The following CDH7 variants were observed in gnomAD, a reference collection of about 807,000 sequenced individuals.
CDH7 encodes the protein cadherin 7, also known as cadherin-7.
In CDH7, 25 loss-of-function variants were observed where a neutral mutation model predicts 71.8. The observed-to-expected ratio is 0.35, with a 90% CI of 0.25 to 0.49. The LOEUF is 0.49. Ranked by LOEUF, CDH7 falls within the 20% of genes least tolerant of loss-of-function variation. The pLI is 0.99. For missense variants in CDH7, 862 were observed against 974.6 expected (o/e 0.88, Z 1.54); for synonymous variants, 381 against 363.8 (o/e 1.05, Z -0.54).
chr18:65,774,222 C>T (rs1916631679), intron 2 of CDH7, among the ~76,000 whole-genome samples: 1 of 151,848 alleles, frequency 6.6e-6, no homozygotes, highest in Admixed American at 6.6e-5. Flanking sequence ...TTATGATCAT[C>T]TCTTGAGGAA....
chr18:65,878,749 A>G (rs1305616613), intron 11 of CDH7, among the ~76,000 whole-genome samples: 1 of 152,138 alleles, frequency 6.6e-6, no homozygotes, highest in Non-Finnish European at 1.5e-5. Flanking sequence ...CTGGTTGAAA[A>G]CATTCAAATG....
At chr18:65,784,225 G>A (rs973807541) in intron 2 of CDH7, among the ~76,000 whole-genome samples, 1 of 149,100 alleles carries the variant, frequency 6.7e-6, no homozygotes, top group Non-Finnish European at 1.5e-5. Flanking sequence ...GAGATTACAG[G>A]CATGAGCCAC....
chr18:65,835,620 G>A (rs756129231), intron 6 of CDH7, among the ~76,000 whole-genome samples: 1 of 152,130 alleles, frequency 6.6e-6, no homozygotes. Context: ...GAAGTTATTG[G>A]GTACAGCTAT....
At chr18:65,771,589 T>C (rs1916544199) in intron 2 of CDH7, among the ~76,000 whole-genome samples, 1 of 151,668 alleles carries the variant, frequency 6.6e-6, no homozygotes, top group Admixed American at 6.6e-5. Flanking sequence ...GGAAGAAGAA[T>C]CACTTGAGCC....
chr18:65,830,809 T>C (rs1253632523), intron 6 of CDH7, among the ~76,000 whole-genome samples: 2 of 151,364 alleles, frequency 1.3e-5, no homozygotes, highest in African/African-American at 4.9e-5. Flanking sequence ...TTAAGTTTTT[T>C]TCCTTGCCTC....
At chr18:65,823,748 C>A (rs1912022777) in intron 5 of CDH7, among the ~76,000 whole-genome samples, 1 of 151,890 alleles carries the variant, frequency 6.6e-6, no homozygotes, top group South Asian at 2.1e-4. Context: ...TTTCTATATT[C>A]TTCTCAGAGA....
At chr18:65,811,593 G>A (rs1019735290) in intron 3 of CDH7, among the ~76,000 whole-genome samples, 7 of 152,110 alleles carry the variant, frequency 4.6e-5, no homozygotes, top group African/African-American at 1.7e-4. Flanking sequence ...AGCAGCAACA[G>A]TAACTGTTAC....
At chr18:65,796,998 T>G (rs1290772575) in intron 2 of CDH7, among the ~76,000 whole-genome samples, 1 of 152,168 alleles carries the variant, frequency 6.6e-6, no homozygotes, top group Non-Finnish European at 1.5e-5. Context: ...AAACAGAATT[T>G]TGCAGAAAGT....
At chr18:65,821,913 T>TA (rs1474032577) in intron 4 of CDH7, among the ~76,000 whole-genome samples, 168 bp from the exon 5 acceptor site, 1 of 152,178 alleles carries the variant, frequency 6.6e-6, no homozygotes, top group East Asian at 1.9e-4. Context: ...TAACATTGTG[T>TA]AAAACTATCC....
chr18:65,826,666 A>G (rs1290536382), intron 6 of CDH7, among the ~76,000 whole-genome samples: 1 of 151,566 alleles, frequency 6.6e-6, no homozygotes, highest in African/African-American at 2.4e-5. Flanking sequence ...TGCTTTTTCA[A>G]TAATATGTAA....
chr18:65,755,473 C>G (rs1214428274), intron 1 of CDH7, among the ~76,000 whole-genome samples: 1 of 152,196 alleles, frequency 6.6e-6, no homozygotes, highest in Non-Finnish European at 1.5e-5. Context: ...TTACATTTTT[C>G]AGTATTGAAA....
chr18:65,851,626 G>T (rs1005242555), intron 7 of CDH7, among the ~76,000 whole-genome samples: 14 of 152,192 alleles, frequency 9.2e-5, no homozygotes, highest in Non-Finnish European at 2.1e-4. Flanking sequence ...ACACACAGAT[G>T]TATGAGATAT....
At chr18:65,798,983 C>T (rs1911016501) in intron 2 of CDH7, among the ~76,000 whole-genome samples, 1 of 152,088 alleles carries the variant, frequency 6.6e-6, no homozygotes. Flanking sequence ...TTCCTGCATA[C>T]ATATGTTAGG....
chr18:65,862,668 AAC>A lies in CDH7; in HGVS notation c.1619_1620del (p.Thr540SerfsTer33). The A allele has an allele frequency of 6.2e-7, 1 of 1,614,022 alleles. No individual in the cohort carries two copies. The highest frequency in any genetic ancestry group is 1.1e-5 in the South Asian group (1 of 91,074). On this transcript the variant is annotated frameshift_variant, in exon 11 of 12. Coordinates refer to ENST00000397968, the MANE Select transcript of CDH7 (RefSeq NM_004361.5). LOFTEE classifies it high-confidence loss of function. ...HNFSLKDNKD[N>X]TASILTRRNG... Reference sequence around the variant, plus strand: ...TACATTTGCTTTCGTTATCCTAGACAACACAGCCTCAATACTGACCAGGAGAA... The same window carrying A: ...TACATTTGCTTTCGTTATCCTAGACAACAGCCTCAATACTGACCAGGAGAA...
intron 7 of CDH7, among the ~76,000 whole-genome samples, chr18:65,856,985 A>G (rs1200961488): frequency 1.3e-5 from 2 of 150,066 alleles, no homozygotes; most frequent in East Asian, 4.0e-4. Flanking sequence ...ACATGTCTTT[A>G]GAATCCTGGT....
intron 2 of CDH7, among the ~76,000 whole-genome samples, chr18:65,771,266 C>G (rs971973280): frequency 6.6e-6 from 1 of 152,030 alleles, no homozygotes; most frequent in East Asian, 1.9e-4. Flanking sequence ...AAGAAATGAA[C>G]GAATAACAAG....
At chr18:65,809,309 A>G (rs922350894) in intron 2 of CDH7, among the ~76,000 whole-genome samples, 1 of 152,214 alleles carries the variant, frequency 6.6e-6, no homozygotes, top group African/African-American at 2.4e-5. Flanking sequence ...CCAGATTTAC[A>G]AATGTTCTAT....
At chr18:65,800,134 A>C (rs1369267827) in intron 2 of CDH7, among the ~76,000 whole-genome samples, 1 of 151,886 alleles carries the variant, frequency 6.6e-6, no homozygotes, top group Non-Finnish European at 1.5e-5. Context: ...GGCTGGAGTG[A>C]AGTGGTGTGA....
At chr18:65,822,815 A>C (rs1911983663) in intron 5 of CDH7, among the ~76,000 whole-genome samples, 1 of 152,018 alleles carries the variant, frequency 6.6e-6, no homozygotes, top group East Asian at 1.9e-4. Flanking sequence ...CTAGAAAACC[A>C]AATGCCCTCA....
Sources: allele counts gnomAD v4.1 joint callset (sites outside exome capture counted in the v4.1 genomes callset), GRCh38; gene constraint gnomAD v4.1.1; transcripts MANE v1.5; gene names NCBI Gene and HGNC (gene_info 2026-07-23, HGNC 2026-07-21).